Variants in NUP62 observed in about 807,000 individuals in gnomAD.
The protein encoded by NUP62 is nuclear pore glycoprotein p62.
For synonymous variants in NUP62, 305 were observed against 303.4 expected (o/e 1.01, Z -0.05); for missense variants, 647 against 689.4 (o/e 0.94, Z 0.69).
intron 2 of NUP62, among the ~76,000 whole-genome samples, chr19:49,925,327 C>T (rs1411252475): frequency 1.3e-5 from 2 of 151,730 alleles, no homozygotes; most frequent in Non-Finnish European, 2.9e-5. Context: ...GTGGCTCAGG[C>T]TTGTAATCCT....
Position 49,908,421 on chromosome 19 carries a change from C to T in NUP62, c.1387G>A (p.Ala463Thr), listed in dbSNP as rs760388870. ...DIIEHLNTSG[A>T]PADTSDPLQQ... ...AGTGGGTCACTGGTGTCGGCGGGGG[C>T]CCCGGACGTGTTCAGGTGCTCGATG... Residue 463 changes from alanine to threonine, a missense_variant, in exon 3 of 3, where the codon GCC becomes ACC. Transcript: ENST00000352066. 1.2e-6 allele frequency: 2 copies of T among 1,613,912 alleles called. No homozygotes were observed. The highest frequency in any genetic ancestry group is 1.7e-6 in the Non-Finnish European group (2 of 1,180,042).
intron 2 of NUP62, among the ~76,000 whole-genome samples, chr19:49,920,791 C>T (rs961152929): frequency 6.6e-6 from 1 of 152,198 alleles, no homozygotes; most frequent in Admixed American, 6.5e-5. Context: ...GGGACTGAGG[C>T]ATCAGGGCTG....
intron 2 of NUP62, among the ~76,000 whole-genome samples, chr19:49,925,013 G>A (rs1260168620): frequency 6.6e-6 from 1 of 152,180 alleles, no homozygotes; most frequent in Admixed American, 6.5e-5. Context: ...TGTAATACCA[G>A]CACTTTGGGA....
chr19:49,924,233 C>G (rs2075830581), intron 2 of NUP62, among the ~76,000 whole-genome samples: 1 of 152,150 alleles, frequency 6.6e-6, no homozygotes, highest in Admixed American at 6.5e-5. Context: ...CCCCCCTTAC[C>G]TCTCGGGACC....
chr19:49,917,034 G>A (rs1023663832), intron 2 of NUP62, among the ~76,000 whole-genome samples: 6 of 152,260 alleles, frequency 3.9e-5, no homozygotes, highest in Non-Finnish European at 8.8e-5. Flanking sequence ...CGGACAGGGT[G>A]CGGAGCTGTC....
intron 2 of NUP62, among the ~76,000 whole-genome samples, chr19:49,918,894 C>A: frequency 1.7e-3 from 1 of 598 alleles, no homozygotes. Context: ...CTTTGGGAGG[C>A]TGGGGGGGGG....
chr19:49,924,625 G>A (rs1042551826), intron 2 of NUP62, among the ~76,000 whole-genome samples: 1 of 152,248 alleles, frequency 6.6e-6, no homozygotes, highest in Non-Finnish European at 1.5e-5. Context: ...GCCAGGACAT[G>A]AGTCCTGAAG....
Position 49,916,656 on chromosome 19 carries a change from C to T in NUP62, c.-77-6772G>A, listed in dbSNP as rs559500970. 1.7e-4 allele frequency among the ~76,000 whole-genome samples: 25 copies of T among 151,350 alleles called. No homozygotes were observed. In the South Asian group the frequency reaches 3.1e-3, roughly 19 times the overall value. ...GTGGGTGCCCGTAGTCCCAGCTACT[C>T]GGGAGGCTGAGGCAGGAGAATGGCA... On this transcript the variant is annotated intron_variant, in intron 2 of 2. Coordinates refer to ENST00000352066, the MANE Select transcript of NUP62 (RefSeq NM_016553.5).
In NUP62 at chr19:49,926,434, G is replaced by T. The variant is rs146764317; in HGVS notation, c.-78+1260C>A. Reference sequence around the variant, plus strand: ...AATCCCAGCTACTTGGAAGGCTGAGGCAGGAGAATTGCTTGAATCTGGGAA... The same window carrying T: ...AATCCCAGCTACTTGGAAGGCTGAGTCAGGAGAATTGCTTGAATCTGGGAA... On this transcript the variant is annotated intron_variant, in intron 2 of 2. Transcript: ENST00000352066. 1.2e-4 allele frequency among the ~76,000 whole-genome samples: 18 copies of T among 152,214 alleles called. No individual in the cohort carries two copies. The East Asian group carries it at 3.5e-3, about 29-fold the overall frequency.
Position 49,909,860 on chromosome 19 carries a change from G to C in NUP62, c.-53C>G. Reference sequence around the variant, plus strand: ...CTCTGGCTCCCAAAGCAAATCCGTCGGTGTCTGCAGCCTTGGGAAGATTTC... The same window carrying C: ...CTCTGGCTCCCAAAGCAAATCCGTCCGTGTCTGCAGCCTTGGGAAGATTTC... On this transcript the variant is annotated 5_prime_UTR_variant, in exon 3 of 3. Transcript: ENST00000352066. 1.3e-6 allele frequency: 2 copies of C among 1,573,212 alleles called. No individual in the cohort carries two copies. The highest frequency in any genetic ancestry group is 2.2e-5 in the East Asian group (1 of 44,568).
rs952219759 is a variant in NUP62, at chr19:49,921,063, C to A, written c.-78+6631G>T. Reference sequence around the variant, plus strand: ...TGAGAACTGGAAGCAAACACAGCCCCTTCCTGCCTCGGCGGACATCTCCAC... The same window carrying A: ...TGAGAACTGGAAGCAAACACAGCCCATTCCTGCCTCGGCGGACATCTCCAC... On this transcript the variant is annotated intron_variant, in intron 2 of 2. Transcript: ENST00000352066. The surrounding 1 kb of genome is among the most constrained non-coding windows in gnomAD (Gnocchi z 5.4). 6.6e-6 allele frequency among the ~76,000 whole-genome samples: 1 copy of A among 152,148 alleles called. No individual in the cohort carries two copies. The highest frequency in any genetic ancestry group is 2.4e-5 in the African/African-American group (1 of 41,408).
chr19:49,910,131 C>T (rs532365219), intron 2 of NUP62, among the ~76,000 whole-genome samples: 48 of 152,252 alleles, frequency 3.2e-4, no homozygotes, highest in Non-Finnish European at 6.0e-4. Context: ...AGCTCCCACT[C>T]TGTGGAGGAC....
intron 2 of NUP62, among the ~76,000 whole-genome samples, chr19:49,914,890 C>T (rs974188202): frequency 6.6e-6 from 1 of 151,802 alleles, no homozygotes; most frequent in East Asian, 1.9e-4. Flanking sequence ...CAGGCGTGCA[C>T]CACCATGCCC....
Position 49,908,778 on chromosome 19 carries a change from G to C in NUP62, c.1030C>G (p.Leu344Val). 6.2e-7 allele frequency: 1 copy of C among 1,613,754 alleles called. No individual in the cohort carries two copies. The highest frequency in any genetic ancestry group is 8.5e-7 in the Non-Finnish European group (1 of 1,180,048). ...ESLINKWSLE[L>V]EDQERHFLQQ... ...AGGAAGTGCCGCTCCTGGTCCTCTA[G>C]CTCCAGGCTCCATTTGTTGATCAGG... is the stretch of plus-strand genomic sequence containing the variant. Residue 344 changes from leucine (L) to valine (V), a missense_variant, in exon 3 of 3, where the codon CTA (leucine) becomes GTA (valine). Coordinates refer to ENST00000352066, the MANE Select transcript of NUP62 (RefSeq NM_016553.5).
chr19:49,919,216 G>C (rs991235151), intron 2 of NUP62, among the ~76,000 whole-genome samples: 4 of 152,122 alleles, frequency 2.6e-5, no homozygotes, highest in African/African-American at 4.8e-5. Flanking sequence ...AGCTCAAAAG[G>C]TACAAAAGGG....
At chr19:49,927,368 C>A (rs1026839786) in intron 2 of NUP62, among the ~76,000 whole-genome samples, 61 of 152,214 alleles carry the variant, frequency 4.0e-4, no homozygotes, top group Non-Finnish European at 1.0e-4. Context: ...ACATAACATA[C>A]ACTATTGATA....
intron 2 of NUP62, among the ~76,000 whole-genome samples, chr19:49,922,113 GT>G (rs536219495): frequency 7.9e-5 from 12 of 152,330 alleles, no homozygotes; most frequent in African/African-American, 2.6e-4. Context: ...GCTGCTGGCT[GT>G]TTCTCAACTA....
intron 2 of NUP62, among the ~76,000 whole-genome samples, chr19:49,911,893 G>A (rs1320955161): frequency 2.0e-5 from 3 of 152,170 alleles, no homozygotes; most frequent in South Asian, 2.1e-4. Flanking sequence ...GGCCTGGCCC[G>A]GCCTACATCC....
chr19:49,919,442 C>T (rs1361866394), intron 2 of NUP62, among the ~76,000 whole-genome samples: 1 of 152,226 alleles, frequency 6.6e-6, no homozygotes, highest in Non-Finnish European at 1.5e-5. Flanking sequence ...GGCTTATTCT[C>T]CTCACCCGGG....
Sources: allele counts gnomAD v4.1 joint callset (sites outside exome capture counted in the v4.1 genomes callset), GRCh38; gene constraint gnomAD v4.1.1; non-coding constraint Gnocchi (gnomAD v3.1); transcripts MANE v1.5; gene names NCBI Gene and HGNC (gene_info 2026-07-23, HGNC 2026-07-21).